PTPRD: variants seen among roughly 807,000 people sequenced by gnomAD.
PTPRD encodes the protein receptor-type tyrosine-protein phosphatase delta.
PTPRD carries 34 observed loss-of-function variants against 214.5 expected under a neutral mutation model. That is an observed-to-expected ratio of 0.16 (90% CI 0.12 to 0.21). PTPRD has a LOEUF of 0.21. PTPRD is among the 10% of genes least tolerant of loss of function. The pLI is 1.00. For missense variants in PTPRD, 2,545 were observed against 2,398.7 expected (o/e 1.06, Z -1.27); for synonymous variants, 1,128 against 845.7 (o/e 1.33, Z -5.79).
chr9:9,495,497 C>T (rs924378351), intron 8 of PTPRD, among the ~76,000 whole-genome samples: 2 of 152,080 alleles, frequency 1.3e-5, no homozygotes, highest in Admixed American at 1.3e-4. Context: ...TGCCCCTATC[C>T]TGTGCCTATA....
intron 3 of PTPRD, among the ~76,000 whole-genome samples, chr9:10,081,865 T>G (rs2098243917): frequency 1.3e-5 from 2 of 152,112 alleles, no homozygotes; most frequent in Admixed American, 1.3e-4. Flanking sequence ...AATCATTTGA[T>G]TACGGTATGA....
intron 3 of PTPRD, among the ~76,000 whole-genome samples, chr9:10,244,155 T>C (rs969521267): frequency 1.3e-5 from 2 of 152,110 alleles, no homozygotes; most frequent in African/African-American, 4.8e-5. Flanking sequence ...CTTTGAGCTC[T>C]GGATTAAAAT....
chr9:9,846,708 C>G (rs961755330), intron 5 of PTPRD, among the ~76,000 whole-genome samples: 2 of 152,134 alleles, frequency 1.3e-5, no homozygotes, highest in South Asian at 2.1e-4. Context: ...TGCCAAACAC[C>G]AACTAAACCA....
At chr9:9,785,967 G>A (rs1023216169) in intron 5 of PTPRD, among the ~76,000 whole-genome samples, 48 of 152,110 alleles carry the variant, frequency 3.2e-4, no homozygotes, top group African/African-American at 1.2e-3. Context: ...TAACCACTAA[G>A]TTATTTATTA....
At chr9:9,196,917 C>A (rs2099938935) in intron 9 of PTPRD, among the ~76,000 whole-genome samples, 1 of 152,110 alleles carries the variant, frequency 6.6e-6, no homozygotes, top group South Asian at 2.1e-4. Flanking sequence ...TAAACCATTT[C>A]ATGGAATATC....
intron 14 of PTPRD, among the ~76,000 whole-genome samples, chr9:8,532,336 C>A (rs147784907): frequency 6.6e-6 from 1 of 151,906 alleles, no homozygotes; most frequent in East Asian, 1.9e-4. Context: ...GTTTAGAAGA[C>A]GTTAATTGCT....
chr9:9,773,329 A>G (rs912585991), intron 5 of PTPRD, among the ~76,000 whole-genome samples: 1 of 152,188 alleles, frequency 6.6e-6, no homozygotes, highest in African/African-American at 2.4e-5. Context: ...TAGGAAGCCC[A>G]GGGAGAAGAA....
intron 11 of PTPRD, among the ~76,000 whole-genome samples, chr9:8,942,208 T>C (rs1196587248): frequency 6.6e-6 from 1 of 152,182 alleles, no homozygotes; most frequent in Non-Finnish European, 1.5e-5. Flanking sequence ...ATTTTTTTCT[T>C]TTTTTTGCCC....
chr9:9,727,291 A>G (rs957470737), intron 7 of PTPRD, among the ~76,000 whole-genome samples: 1 of 152,052 alleles, frequency 6.6e-6, no homozygotes, highest in Non-Finnish European at 1.5e-5. Context: ...TTCTACTAAA[A>G]ATACAAAAAG....
At chr9:9,593,402 T>C (rs764530128) in intron 7 of PTPRD, among the ~76,000 whole-genome samples, 1 of 151,984 alleles carries the variant, frequency 6.6e-6, no homozygotes, top group Non-Finnish European at 1.5e-5. Context: ...CTCCAAGGCT[T>C]GAGTATTGAG....
intron 7 of PTPRD, among the ~76,000 whole-genome samples, chr9:9,628,104 C>T (rs936871236): frequency 2.6e-5 from 4 of 152,066 alleles, no homozygotes; most frequent in African/African-American, 7.2e-5. Flanking sequence ...ACAGATTTGC[C>T]TTCTAAAATT....
intron 11 of PTPRD, among the ~76,000 whole-genome samples, chr9:8,951,106 TG>T (rs2099099270): frequency 6.6e-6 from 1 of 151,284 alleles, no homozygotes. Context: ...AAAGTTTATG[TG>T]GTTGTGTTAA....
At chr9:10,125,622 T>TTGTG (rs35164422) in intron 3 of PTPRD, among the ~76,000 whole-genome samples, 5,470 of 139,260 alleles carry the variant, frequency 0.039, 128 homozygotes, top group African/African-American at 0.052. Flanking sequence ...GCTCGGCTAA[T>TTGTG]TGTGTGTGTG....
At chr9:10,438,808 G>A (rs1451138747) in intron 2 of PTPRD, among the ~76,000 whole-genome samples, 1 of 151,652 alleles carries the variant, frequency 6.6e-6, no homozygotes, top group Non-Finnish European at 1.5e-5. Context: ...TTCATCATCT[G>A]TGGGAAGGGT....
chr9:9,028,937 G>A (rs1351123353), intron 10 of PTPRD, among the ~76,000 whole-genome samples: 1 of 151,706 alleles, frequency 6.6e-6, no homozygotes, highest in African/African-American at 2.4e-5. Context: ...TGAAAATGGG[G>A]GGCATAGAGT....
intron 5 of PTPRD, among the ~76,000 whole-genome samples, chr9:9,804,583 C>T (rs1490006094): frequency 1.3e-5 from 2 of 152,156 alleles, no homozygotes; most frequent in South Asian, 4.1e-4. Context: ...CAGTTCTTGG[C>T]ACCTAGTAGG....
At chr9:9,917,201 G>A (rs2081111147) in intron 5 of PTPRD, among the ~76,000 whole-genome samples, 1 of 137,858 alleles carries the variant, frequency 7.3e-6, no homozygotes, top group Admixed American at 7.6e-5. Context: ...TAAAGATCAA[G>A]CAGAAGTAAA....
intron 8 of PTPRD, among the ~76,000 whole-genome samples, chr9:9,515,813 A>G (rs2096824054): frequency 6.6e-6 from 1 of 152,004 alleles, no homozygotes; most frequent in Non-Finnish European, 1.5e-5. Flanking sequence ...CTTTCTGTAG[A>G]TTCTTTATTT....
intron 14 of PTPRD, among the ~76,000 whole-genome samples, chr9:8,596,327 A>G (rs1447632275): frequency 6.6e-6 from 1 of 152,092 alleles, no homozygotes; most frequent in African/African-American, 2.4e-5. Context: ...CAGTCTCAAA[A>G]ATAAATTAGC....
Sources: allele counts gnomAD v4.1 joint callset (sites outside exome capture counted in the v4.1 genomes callset), GRCh38; gene constraint gnomAD v4.1.1; transcripts MANE v1.5; gene names NCBI Gene and HGNC (gene_info 2026-07-23, HGNC 2026-07-21).